The following SOBP variants were observed in gnomAD, a reference collection of about 807,000 sequenced individuals.
The protein encoded by SOBP is sine oculis-binding protein homolog.
SOBP carries 4 observed loss-of-function variants against 53.6 expected under a neutral mutation model. The ratio of observed to expected loss-of-function variants is 0.07; its 90% CI spans 0.04 to 0.17. The LOEUF (loss-of-function observed/expected upper bound fraction) is 0.17, where lower values mean the gene tolerates loss of function less well. SOBP is among the 10% of genes least tolerant of loss of function. The probability of loss-of-function intolerance (pLI) is 1.00; values close to 1 mark genes in which losing one functional copy is unlikely to be tolerated. For synonymous variants in SOBP, 584 were observed against 522.6 expected, an observed-to-expected ratio of 1.12 and a Z score of -1.60; for missense variants, 1,088 against 1,204.7, an observed-to-expected ratio of 0.90 and a Z score of 1.43.
chr6:107,510,304 C>G (rs1270267169), intron 3 of SOBP, among the ~76,000 whole-genome samples: 1 of 152,136 alleles, frequency 6.6e-6, no homozygotes, highest in Non-Finnish European at 1.5e-5. Flanking sequence ...TAGCCACAGT[C>G]TCATGATAAC....
At chr6:107,631,784 T>C (rs1179423646) in intron 5 of SOBP, among the ~76,000 whole-genome samples, 2 of 152,224 alleles carry the variant, frequency 1.3e-5, no homozygotes, top group African/African-American at 2.4e-5. Flanking sequence ...CTCTCCAAAA[T>C]TTTTTGCAAG....
intron 3 of SOBP, among the ~76,000 whole-genome samples, chr6:107,521,331 C>T (rs1032605098): frequency 2.6e-5 from 4 of 151,856 alleles, no homozygotes; most frequent in African/African-American, 9.7e-5. Flanking sequence ...GGTAATAATT[C>T]CTTAATAATA....
At chr6:107,537,348 G>A (rs1440912839) in intron 4 of SOBP, among the ~76,000 whole-genome samples, 1 of 152,150 alleles carries the variant, frequency 6.6e-6, no homozygotes, top group Admixed American at 6.5e-5. Flanking sequence ...CAAAAATCAA[G>A]AAGGAAATTA....
Position 107,533,473 on chromosome 6 carries a change from A to G in SOBP, c.436A>G (p.Asn146Asp), listed in dbSNP as rs377103123. ...TTTTATTATAGAAGATGATGTGTCA[A>G]ATGTACAAATAATGTGTGCCTGGTG... ...IKPPAEDDVS[N>D]VQIMCAWCQK... The change falls in exon 4 of 7, where the codon AAT becomes GAT. Residue 146 changes from asparagine (N) to aspartate (D), a missense_variant. Transcript: ENST00000317357. The G allele has an allele frequency of 1.2e-6, 2 of 1,613,998 alleles. No homozygotes were observed. The highest frequency in any genetic ancestry group is 2.7e-5 in the African/African-American group (2 of 74,896).
chr6:107,520,532 T>C (rs1783452860), intron 3 of SOBP, among the ~76,000 whole-genome samples: 1 of 152,144 alleles, frequency 6.6e-6, no homozygotes, highest in Admixed American at 6.5e-5. Flanking sequence ...CCAGAACTTC[T>C]CTTGACATTT....
chr6:107,525,033 A>G (rs1783621911), intron 3 of SOBP, among the ~76,000 whole-genome samples: 1 of 152,204 alleles, frequency 6.6e-6, no homozygotes, highest in South Asian at 2.1e-4. Context: ...TTTTCCATTC[A>G]TATTTAATCA....
At chr6:107,646,284 G>A (rs1719075553) in intron 6 of SOBP, among the ~76,000 whole-genome samples, 1 of 152,188 alleles carries the variant, frequency 6.6e-6, no homozygotes, top group African/African-American at 2.4e-5. Context: ...GTGCTAAGTG[G>A]GCCTAAGGAA....
At chr6:107,598,456 G>A (rs1157150262) in intron 5 of SOBP, among the ~76,000 whole-genome samples, 1 of 152,172 alleles carries the variant, frequency 6.6e-6, no homozygotes, top group Non-Finnish European at 1.5e-5. Flanking sequence ...ATGATGAGAG[G>A]GGTGCGCATC....
intron 5 of SOBP, among the ~76,000 whole-genome samples, chr6:107,614,239 A>G (rs1256544481): frequency 6.6e-6 from 1 of 152,190 alleles, no homozygotes; most frequent in East Asian, 1.9e-4. Flanking sequence ...CCATCTCTAC[A>G]AAAAAATTAA....
chr6:107,613,237 G>T (rs550137973), intron 5 of SOBP, among the ~76,000 whole-genome samples: 4 of 152,328 alleles, frequency 2.6e-5, no homozygotes, highest in Admixed American at 6.5e-5. Context: ...GGTCAAGGCT[G>T]TAGCCACTTA....
At chr6:107,604,613 C>G (rs1786302279) in intron 5 of SOBP, among the ~76,000 whole-genome samples, 1 of 152,048 alleles carries the variant, frequency 6.6e-6, no homozygotes, top group South Asian at 2.1e-4. Context: ...ATCTCCCCTC[C>G]CCACCTCCTT....
rs1265958006 is a variant in SOBP, at chr6:107,633,865, T to C, written c.1021T>C (p.Ser341Pro). 2.5e-6 allele frequency: 4 copies of C among 1,613,926 alleles called. No homozygotes were observed. The African/African-American group carries it at 5.3e-5, about 22-fold the overall frequency. ...CTCTCCATCTGACACTGCCAACTGC[T>C]CTGTCACTAAAATCCCCACGCCAGT... ...TVSPSDTANC[S>P]VTKIPTPVPK... is the part of the protein sequence containing the mutation. The change falls in exon 6 of 7, where the codon TCT (serine) becomes CCT (proline). Residue 341 changes from serine (S) to proline (P), a missense_variant. Ser to Pro is a moderately conservative substitution (Grantham distance 74). This residue lies in a region of SOBP where 211 missense variants were observed against 258.9 expected (regional missense o/e 0.82). Coordinates refer to ENST00000317357, the MANE Select transcript of SOBP (RefSeq NM_018013.4).
chr6:107,529,992 C>A (rs752823943), intron 3 of SOBP, among the ~76,000 whole-genome samples: 2 of 151,872 alleles, frequency 1.3e-5, no homozygotes, highest in Non-Finnish European at 2.9e-5. Context: ...TTATACAAAC[C>A]GTTCTCTTTG....
chr6:107,657,780 T>C (rs531860166), intron 6 of SOBP, among the ~76,000 whole-genome samples: 103 of 151,588 alleles, frequency 6.8e-4, no homozygotes, highest in Non-Finnish European at 1.0e-3. Context: ...GAGGCAGAGA[T>C]TGCAGTGAGC....
intron 6 of SOBP, among the ~76,000 whole-genome samples, chr6:107,656,369 GT>G (rs879642579): frequency 3.7e-5 from 1 of 27,160 alleles, no homozygotes; most frequent in Non-Finnish European, 1.6e-4. Context: ...AAGAAAGAAA[GT>G]AAGTCAAATG....
chr6:107,596,831 C>T (rs999635303), intron 5 of SOBP, among the ~76,000 whole-genome samples: 11 of 151,912 alleles, frequency 7.2e-5, no homozygotes, highest in African/African-American at 2.4e-4. Context: ...TATCCATCAC[C>T]ACCACCACCA....
rs1179738902 is a variant in SOBP at position 107,551,718 on chromosome 6, A to G, written c.573+18108A>G. On this transcript the variant is annotated intron_variant, in intron 4 of 6. Transcript: ENST00000317357. ...ACTCTGATATTTTCTGTTTTATTTC[A>G]TTTAAAAAATTGTTGATTGGGGCTG... Among the ~76,000 whole-genome samples, 4 of 152,308 alleles carry G rather than the reference A, an allele frequency of 2.6e-5. No homozygotes were observed. The East Asian group carries it at 7.7e-4, about 29-fold the overall frequency.
chr6:107,616,213 C>A (rs2115110859), intron 5 of SOBP, among the ~76,000 whole-genome samples: 1 of 152,054 alleles, frequency 6.6e-6, no homozygotes, highest in South Asian at 2.1e-4. Context: ...CTAGTACAGC[C>A]ACCTCTCCCA....
intron 4 of SOBP, among the ~76,000 whole-genome samples, chr6:107,573,959 C>T (rs1308577056): frequency 1.3e-5 from 2 of 152,134 alleles, no homozygotes; most frequent in Non-Finnish European, 2.9e-5. Context: ...ATTTTAGGCG[C>T]TTCATTATTC....
Sources: allele counts gnomAD v4.1 joint callset (sites outside exome capture counted in the v4.1 genomes callset), GRCh38; gene constraint gnomAD v4.1.1; regional missense constraint gnomAD v4.1.1; transcripts MANE v1.5; gene names NCBI Gene and HGNC (gene_info 2026-07-23, HGNC 2026-07-21).